Variants in NOL10 observed in about 807,000 individuals in gnomAD.
The protein encoded by NOL10 is H_NH0074G24.1.
NOL10 carries 58 observed loss-of-function variants against 103.5 expected under a neutral mutation model. The ratio of observed to expected loss-of-function variants is 0.56; its 90% CI spans 0.45 to 0.70. The LOEUF (loss-of-function observed/expected upper bound fraction) is 0.70. NOL10 is among the 30% of genes least tolerant of loss of function. The pLI is 0.00. For synonymous variants in NOL10, 287 were observed against 282.5 expected, an observed-to-expected ratio of 1.02 and a Z score of -0.16; for missense variants, 763 against 807.3, an observed-to-expected ratio of 0.95 and a Z score of 0.67.
chr2:10,689,727 G>A, intron 1 of NOL10, 69 bp downstream of exon 1: 2 of 1,459,874 alleles, frequency 1.4e-6, no homozygotes, highest in Admixed American at 3.9e-5. Flanking sequence ...GCCGAGGAGA[G>A]GGGCGGCTGC....
chr2:10,587,150 C>CATATATATACATATATACACAT (rs1306469946), intron 19 of NOL10, among the ~76,000 whole-genome samples: 4 of 28,058 alleles, frequency 1.4e-4, no homozygotes, highest in South Asian at 6.8e-4. Context: ...CATATATATA[C>CATATATATACATATATACACAT]ATATATACAC....
intron 20 of NOL10, among the ~76,000 whole-genome samples, chr2:10,572,915 C>G (rs1291233496): frequency 1.3e-5 from 2 of 152,194 alleles, no homozygotes; most frequent in Non-Finnish European, 2.9e-5. Flanking sequence ...TCCTCCCTAC[C>G]CCATCCCTGG....
intron 14 of NOL10, among the ~76,000 whole-genome samples, chr2:10,604,478 C>G (rs569712281): frequency 2.3e-4 from 35 of 152,280 alleles, no homozygotes; most frequent in Non-Finnish European, 3.4e-4. Flanking sequence ...TCATAGAATT[C>G]ATTAGGTTAA....
chr2:10,583,673 G>A (rs762287545), intron 19 of NOL10, among the ~76,000 whole-genome samples: 1 of 152,212 alleles, frequency 6.6e-6, no homozygotes, highest in Non-Finnish European at 1.5e-5. Flanking sequence ...AACTGATGGT[G>A]GAGTTTGTGC....
chr2:10,664,193 G>A (rs1348216487), intron 8 of NOL10, among the ~76,000 whole-genome samples: 1 of 152,048 alleles, frequency 6.6e-6, no homozygotes, highest in Non-Finnish European at 1.5e-5. Flanking sequence ...CACTTTTGAA[G>A]GCCGAGGTAG....
At chr2:10,641,726 T>C (rs969714935) in intron 13 of NOL10, among the ~76,000 whole-genome samples, 4 of 152,204 alleles carry the variant, frequency 2.6e-5, no homozygotes, top group African/African-American at 9.6e-5. Context: ...CACTCATCAA[T>C]TTCAAGTCTC....
In NOL10 at chr2:10,587,100, C is replaced by T. The variant is rs200832597; in HGVS notation, c.1844+1943G>A. On this transcript the variant is annotated intron_variant, in intron 19 of 20. Transcript: ENST00000381685. Reference sequence around the variant, plus strand: ...ATACATATATATACATATATATACACATATATATACATATATATACATATA... The same window carrying T: ...ATACATATATATACATATATATACATATATATATACATATATATACATATA... Among the ~76,000 whole-genome samples the T allele has an allele frequency of 1.8e-3, 58 of 33,138 alleles. 6 individuals carry two copies. The highest frequency in any genetic ancestry group is 7.0e-3 in the East Asian group (8 of 1,150). The allele number at this position is 33,138 out of a possible 152,430, so 21.7% of individuals were successfully genotyped here. A position where few individuals can be genotyped will look rare whatever the true frequency, so the allele number is the denominator to read the frequency against.
At chr2:10,609,325 C>G (rs1190232435) in intron 13 of NOL10, among the ~76,000 whole-genome samples, 1 of 150,790 alleles carries the variant, frequency 6.6e-6, no homozygotes, top group Admixed American at 6.6e-5. Context: ...CGGTGGCTCA[C>G]GCCTGTAATC....
At chr2:10,606,607 CAAA>C (rs35623656) in intron 14 of NOL10, among the ~76,000 whole-genome samples, 110 of 111,770 alleles carry the variant, frequency 9.8e-4, no homozygotes, top group African/African-American at 9.6e-4. Context: ...GACTCTGTCT[CAAA>C]AAAAAAAAAA....
intron 13 of NOL10, among the ~76,000 whole-genome samples, chr2:10,628,726 CT>C (rs1408286580): frequency 6.6e-6 from 1 of 152,146 alleles, no homozygotes; most frequent in Non-Finnish European, 1.5e-5. Context: ...AATCCCATGT[CT>C]TAAATGACCA....
At chr2:10,626,480 A>T (rs1480177198) in intron 13 of NOL10, among the ~76,000 whole-genome samples, 1 of 152,138 alleles carries the variant, frequency 6.6e-6, no homozygotes, top group African/African-American at 2.4e-5. Flanking sequence ...TGTAGTCTAA[A>T]TTTCTGGCTT....
rs1413316659 is a variant in NOL10, at chr2:10,587,086, TACATATATATAC to T, written c.1844+1945_1844+1956del. On this transcript the variant is annotated intron_variant, in intron 19 of 20. Transcript: ENST00000381685. ...ATATATACATATATATACATATATA[TACATATATATAC>T]ACATATATATACATATATATACATA... Among the ~76,000 whole-genome samples, 142 of 55,024 alleles carry T rather than the reference TACATATATATAC, an allele frequency of 2.6e-3. 41 individuals carry two copies. Among genetic ancestry groups the T allele is most frequent in the Non-Finnish European group, 4.6e-3 (107 of 23,410 alleles). The allele number at this position is 55,024 out of a possible 152,430, so 36.1% of individuals were successfully genotyped here. A position where few individuals can be genotyped will look rare whatever the true frequency, so the allele number is the denominator to read the frequency against.
chr2:10,586,519 G>A (rs1013860115), intron 19 of NOL10, among the ~76,000 whole-genome samples: 10 of 152,160 alleles, frequency 6.6e-5, no homozygotes, highest in African/African-American at 2.4e-4. Flanking sequence ...CATTATAGTT[G>A]GCCCTTGAAT....
chr2:10,661,661 G>A (rs140709008), intron 9 of NOL10, among the ~76,000 whole-genome samples: 5,231 of 152,030 alleles, frequency 0.034, 174 homozygotes, highest in African/African-American at 0.084. Context: ...GTGAGCCACC[G>A]TGCCTGGTCT....
chr2:10,581,683 C>T (rs1423711261), intron 19 of NOL10, among the ~76,000 whole-genome samples: 2 of 151,948 alleles, frequency 1.3e-5, no homozygotes, highest in Non-Finnish European at 2.9e-5. Flanking sequence ...AACAATTAGC[C>T]GCATGTGGTG....
At chr2:10,583,649 T>C (rs1452260853) in intron 19 of NOL10, among the ~76,000 whole-genome samples, 1 of 152,230 alleles carries the variant, frequency 6.6e-6, no homozygotes, top group Non-Finnish European at 1.5e-5. Flanking sequence ...CCCTTCTCCT[T>C]TGATATTATT....
At chr2:10,579,145 T>A (rs1433493495) in intron 19 of NOL10, among the ~76,000 whole-genome samples, 1 of 152,258 alleles carries the variant, frequency 6.6e-6, no homozygotes, top group Non-Finnish European at 1.5e-5. Context: ...ATCTCTAGTT[T>A]ACAACTCGTA....
chr2:10,674,240 A>C (rs369967049), intron 4 of NOL10, among the ~76,000 whole-genome samples: 10 of 151,962 alleles, frequency 6.6e-5, no homozygotes, highest in African/African-American at 4.8e-5. Flanking sequence ...ATAAAAAAAA[A>C]AACAACAAAG....
intron 3 of NOL10, among the ~76,000 whole-genome samples, chr2:10,680,376 A>AGGGAGAAGAGGGAGAGGGAGAGGG (rs1681670753): frequency 6.7e-6 from 1 of 148,666 alleles, no homozygotes; most frequent in African/African-American, 2.5e-5. Flanking sequence ...GAAGAGGGAG[A>AGGGAGAAGAGGGAGAGGGAGAGGG]GGGAGAAGAG....
Sources: gnomAD v4.1 joint callset for allele counts (sites outside exome capture counted in the v4.1 genomes callset) on GRCh38, gnomAD v4.1.1 for gene constraint, MANE v1.5 for transcripts, NCBI Gene and HGNC (gene_info 2026-07-23, HGNC 2026-07-21) for gene names.